Variants in GRM1 observed in about 807,000 individuals in gnomAD.
The protein encoded by GRM1 is metabotropic glutamate receptor 1.
GRM1 carries 33 observed loss-of-function variants against 90.9 expected under a neutral mutation model. The observed-to-expected ratio is 0.36, with a 90% CI of 0.28 to 0.49. The LOEUF (loss-of-function observed/expected upper bound fraction) is 0.49. Ranked by LOEUF, GRM1 falls within the 20% of genes least tolerant of loss-of-function variation. The probability of loss-of-function intolerance (pLI) is 0.99; values close to 1 mark genes in which losing one functional copy is unlikely to be tolerated. For missense variants in GRM1, 1,190 were observed against 1,534.3 expected (o/e 0.78, Z 3.75); for synonymous variants, 700 against 613.2 (o/e 1.14, Z -2.09).
intron 1 of GRM1, among the ~76,000 whole-genome samples, chr6:146,044,539 C>T (rs1399622555): frequency 6.6e-6 from 1 of 151,950 alleles, no homozygotes; most frequent in Non-Finnish European, 1.5e-5. Context: ...AAATGGAAGA[C>T]ACCCTATGTC....
chr6:146,288,911 G>C (rs1782872910), intron 2 of GRM1, among the ~76,000 whole-genome samples: 1 of 152,168 alleles, frequency 6.6e-6, no homozygotes, highest in Non-Finnish European at 1.5e-5. Flanking sequence ...TGGCCATAAT[G>C]TCTTAGTACA....
intron 5 of GRM1, among the ~76,000 whole-genome samples, chr6:146,367,340 C>T (rs1033327840): frequency 7.2e-5 from 11 of 152,052 alleles, no homozygotes; most frequent in African/African-American, 1.9e-4. Context: ...AGTGTGATGT[C>T]TCCAGCTTTG....
intron 1 of GRM1, among the ~76,000 whole-genome samples, chr6:146,149,613 C>T (rs1235115708): frequency 6.6e-6 from 1 of 152,186 alleles, no homozygotes; most frequent in Non-Finnish European, 1.5e-5. Flanking sequence ...TTATCCAGCT[C>T]TTTACTGAGG....
intron 1 of GRM1, among the ~76,000 whole-genome samples, chr6:146,077,935 C>G (rs1456096386): frequency 6.6e-6 from 1 of 151,996 alleles, no homozygotes; most frequent in East Asian, 1.9e-4. Flanking sequence ...GATGGCAGAA[C>G]CAGAGTAGAT....
Position 146,419,806 on chromosome 6 carries a change from G to T in GRM1, c.2661-14066G>T, listed in dbSNP as rs150617590. ...CTCACTATCACAAGAACAGCAAGGG[G>T]GAAGGGGGAAGCCTGCTTCCGTGAT... On this transcript the variant is annotated intron_variant, in intron 7 of 7. Coordinates refer to ENST00000282753, the MANE Select transcript of GRM1 (RefSeq NM_001278064.2). Among the ~76,000 whole-genome samples, 366 of 152,252 alleles carry T rather than the reference G, an allele frequency of 2.4e-3. 2 individuals carry two copies. The highest frequency in any genetic ancestry group is 8.6e-3 in the African/African-American group (358 of 41,540).
At chr6:146,098,443 A>T (rs1480796749) in intron 1 of GRM1, among the ~76,000 whole-genome samples, 1 of 152,154 alleles carries the variant, frequency 6.6e-6, no homozygotes, top group Non-Finnish European at 1.5e-5. Context: ...CATCCAGATT[A>T]TAATAACATT....
intron 2 of GRM1, among the ~76,000 whole-genome samples, chr6:146,229,922 G>A (rs1780386107): frequency 6.6e-6 from 1 of 152,116 alleles, no homozygotes; most frequent in Non-Finnish European, 1.5e-5. Flanking sequence ...TTGAACCCAG[G>A]CTGACTTGCT....
intron 2 of GRM1, among the ~76,000 whole-genome samples, chr6:146,190,865 A>G (rs1159409218): frequency 2.0e-5 from 3 of 152,038 alleles, no homozygotes; most frequent in Non-Finnish European, 4.4e-5. Context: ...TGTTCTTCAC[A>G]TTGCTATATC....
chr6:146,140,246 T>A lies in GRM1; in HGVS notation c.701-19102T>A, dbSNP rs190723037. Among the ~76,000 whole-genome samples the A allele has an allele frequency of 3.0e-3, 448 of 150,716 alleles. 1 individual carries two copies. The highest frequency in any genetic ancestry group is 0.014 in the Middle Eastern group (4 of 294). Reference sequence around the variant, plus strand: ...GTATATTTTAATTTCTTGCTTTTTATTTTTTGTATCCGTATTATTATTATG... The same window carrying A: ...GTATATTTTAATTTCTTGCTTTTTAATTTTTGTATCCGTATTATTATTATG... On this transcript the variant is annotated intron_variant, in intron 1 of 7. Coordinates refer to ENST00000282753, the MANE Select transcript of GRM1 (RefSeq NM_001278064.2).
chr6:146,089,914 C>CTCT (rs1776661853), intron 1 of GRM1, among the ~76,000 whole-genome samples: 2 of 152,136 alleles, frequency 1.3e-5, no homozygotes, highest in Non-Finnish European at 2.9e-5. Flanking sequence ...CAGGGGTTAT[C>CTCT]TCTTCTGCAA....
intron 2 of GRM1, among the ~76,000 whole-genome samples, chr6:146,196,275 T>G (rs1779113209): frequency 6.6e-6 from 1 of 151,106 alleles, no homozygotes; most frequent in African/African-American, 2.5e-5. Context: ...CTATTTCCAT[T>G]TATCTAGTGC....
At chr6:146,236,344 G>A (rs1015841122) in intron 2 of GRM1, among the ~76,000 whole-genome samples, 7 of 152,254 alleles carry the variant, frequency 4.6e-5, no homozygotes, top group South Asian at 2.1e-4. Flanking sequence ...ATGGAGGTTC[G>A]TTTGCTAGAG....
intron 2 of GRM1, among the ~76,000 whole-genome samples, chr6:146,169,270 C>T (rs1778016807): frequency 6.6e-6 from 1 of 151,924 alleles, no homozygotes; most frequent in South Asian, 2.1e-4. Context: ...AAAGTTATAC[C>T]TGAGTATTTT....
At chr6:146,330,505 G>C (rs371216031) in intron 3 of GRM1, among the ~76,000 whole-genome samples, 2 of 151,998 alleles carry the variant, frequency 1.3e-5, no homozygotes, top group Non-Finnish European at 2.9e-5. Context: ...ATGTTATAGA[G>C]ATATTTTTGA....
intron 1 of GRM1, among the ~76,000 whole-genome samples, chr6:146,109,035 G>A (rs776795193): frequency 6.6e-6 from 1 of 152,198 alleles, no homozygotes; most frequent in Non-Finnish European, 1.5e-5. Flanking sequence ...AAGGGAAGCA[G>A]AGCATACAAG....
chr6:146,201,987 T>C (rs773993353), intron 2 of GRM1, among the ~76,000 whole-genome samples: 14 of 152,172 alleles, frequency 9.2e-5, no homozygotes, highest in African/African-American at 1.4e-4. Flanking sequence ...GAACATGACT[T>C]AGCAGGTTAT....
At chr6:146,242,576 A>G (rs996706521) in intron 2 of GRM1, among the ~76,000 whole-genome samples, 1 of 152,126 alleles carries the variant, frequency 6.6e-6, no homozygotes, top group South Asian at 2.1e-4. Flanking sequence ...ATACTTTTCA[A>G]TCAGCTTCTA....
At chr6:146,310,849 G>A (rs557910336) in intron 3 of GRM1, among the ~76,000 whole-genome samples, 1 of 152,318 alleles carries the variant, frequency 6.6e-6, no homozygotes, top group South Asian at 2.1e-4. Context: ...GCCTGAGTGA[G>A]CCAAGCTGAG....
At chr6:146,108,449 C>T (rs888440962) in intron 1 of GRM1, among the ~76,000 whole-genome samples, 3 of 152,190 alleles carry the variant, frequency 2.0e-5, no homozygotes, top group Non-Finnish European at 4.4e-5. Flanking sequence ...CACAAGCTCT[C>T]TTTTCTTGTC....
Sources: allele counts gnomAD v4.1 joint callset (sites outside exome capture counted in the v4.1 genomes callset), GRCh38; gene constraint gnomAD v4.1.1; transcripts MANE v1.5; gene names NCBI Gene and HGNC (gene_info 2026-07-23, HGNC 2026-07-21).